Variants in ZNF608 observed in about 807,000 individuals in gnomAD.
ZNF608 encodes renal carcinoma antigen NY-REN-36.
Under a neutral mutation model 109.0 loss-of-function variants are expected in ZNF608, and 12 were observed. That is an observed-to-expected ratio of 0.11 (90% CI 0.07 to 0.18). The LOEUF is 0.18. Among genes scored for constraint, ZNF608 ranks in the 10% least tolerant of loss-of-function variants. The pLI, the probability that ZNF608 is intolerant of heterozygous loss-of-function variation, is 1.00. For missense variants in ZNF608, 1,707 were observed against 1,879.3 expected (o/e 0.91, Z 1.70); for synonymous variants, 732 against 717.4 (o/e 1.02, Z -0.33).
At chr5:124,649,890 T>G (rs1196515271) in intron 3 of ZNF608, among the ~76,000 whole-genome samples, 193 bp from the exon 4 acceptor site, 1 of 152,260 alleles carries the variant, frequency 6.6e-6, no homozygotes, top group African/African-American at 2.4e-5. Context: ...ATAATGTGTG[T>G]TGTGCATTCG....
At chr5:124,730,257 T>C (rs910066611) in intron 2 of ZNF608, among the ~76,000 whole-genome samples, 2 of 152,218 alleles carry the variant, frequency 1.3e-5, no homozygotes, top group African/African-American at 4.8e-5. Flanking sequence ...TTTCTAGATT[T>C]TTCAAGTGTA....
At chr5:124,702,183 T>C (rs1313444086) in intron 2 of ZNF608, among the ~76,000 whole-genome samples, 1 of 152,234 alleles carries the variant, frequency 6.6e-6, no homozygotes, top group East Asian at 1.9e-4. Flanking sequence ...TACATTCATT[T>C]GGCCCATTGT....
chr5:124,641,540 A>G (rs1391960980), intron 7 of ZNF608, 135 bp from the exon 8 acceptor site: 1 of 1,025,198 alleles, frequency 9.8e-7, no homozygotes, highest in Non-Finnish European at 1.3e-6. Context: ...TTCTTTAGTA[A>G]CTAAAGAGAA....
chr5:124,711,575 C>T (rs978168911), intron 2 of ZNF608, among the ~76,000 whole-genome samples: 1 of 152,212 alleles, frequency 6.6e-6, no homozygotes, highest in Admixed American at 6.5e-5. Context: ...GTATTAACCC[C>T]AGGCCCTCCC....
intron 3 of ZNF608, among the ~76,000 whole-genome samples, chr5:124,670,061 C>T (rs907810776): frequency 1.3e-5 from 2 of 152,126 alleles, no homozygotes; most frequent in Admixed American, 1.3e-4. Context: ...TTTTTATCTG[C>T]CTGAGTCCTA....
intron 2 of ZNF608, chr5:124,708,682 A>G: frequency 2.2e-6 from 1 of 456,138 alleles, no homozygotes. Flanking sequence ...CAGACTGGGA[A>G]TTATATTGCC....
In ZNF608 at chr5:124,719,400, C is replaced by T. The variant is rs146709193; in HGVS notation, c.907-18131G>A. Among the ~76,000 whole-genome samples, 47 of 152,286 alleles carry T rather than the reference C, an allele frequency of 3.1e-4. No homozygotes were observed. The South Asian group carries it at 8.1e-3, about 26-fold the overall frequency. ...TAATGTATGAACATAAGCCACACTGCGAAATGTGTGGCCTGGGTTTCCCTG... is the reference window on the plus strand; with the variant it reads ...TAATGTATGAACATAAGCCACACTGTGAAATGTGTGGCCTGGGTTTCCCTG... On this transcript the variant is annotated intron_variant, in intron 2 of 9. Transcript: ENST00000513986.
At chr5:124,740,049 T>TC (rs1215483916) in intron 2 of ZNF608, among the ~76,000 whole-genome samples, 1 of 152,126 alleles carries the variant, frequency 6.6e-6, no homozygotes, top group Admixed American at 6.5e-5. Context: ...TATCAATCCC[T>TC]CCCCCCACCG....
chr5:124,644,205 C>T (rs534631406), intron 6 of ZNF608, 39 bp downstream of exon 6: 4 of 1,511,362 alleles, frequency 2.6e-6, no homozygotes, highest in South Asian at 2.7e-5. Flanking sequence ...TTGAACATCG[C>T]CTCTTTCCTC....
At chr5:124,663,844 C>A (rs72781223) in intron 3 of ZNF608, among the ~76,000 whole-genome samples, 3 of 152,284 alleles carry the variant, frequency 2.0e-5, no homozygotes, top group Non-Finnish European at 2.9e-5. Flanking sequence ...TGCTTTCTGT[C>A]TTGATAAAGT....
At chr5:124,662,516 T>C (rs1363299995) in intron 3 of ZNF608, among the ~76,000 whole-genome samples, 1 of 152,220 alleles carries the variant, frequency 6.6e-6, no homozygotes, top group Admixed American at 6.5e-5. Flanking sequence ...TAGGCCCAAG[T>C]CAACCTCCAA....
intron 8 of ZNF608, among the ~76,000 whole-genome samples, chr5:124,640,456 C>G (rs1750186666): frequency 6.6e-6 from 1 of 152,202 alleles, no homozygotes; most frequent in Non-Finnish European, 1.5e-5. Flanking sequence ...GAGCGCACAG[C>G]AAGACAGCAG....
intron 3 of ZNF608, among the ~76,000 whole-genome samples, chr5:124,659,252 C>T (rs557294259): frequency 6.6e-6 from 1 of 151,930 alleles, no homozygotes; most frequent in Non-Finnish European, 1.5e-5. Context: ...GCAAGCCAGA[C>T]AAAAATAAAT....
intron 4 of ZNF608, 46 bp from the exon 5 acceptor site, chr5:124,649,179 G>C (rs1348189894): frequency 1.0e-5 from 15 of 1,481,108 alleles, no homozygotes; most frequent in Non-Finnish European, 1.3e-5. Flanking sequence ...CCCCAAAAGA[G>C]CCAGGTGAAA....
At chr5:124,692,364 C>T (rs941955022) in intron 3 of ZNF608, among the ~76,000 whole-genome samples, 2 of 152,162 alleles carry the variant, frequency 1.3e-5, no homozygotes, top group East Asian at 1.9e-4. Flanking sequence ...ATATGTATGG[C>T]GCACTGACTC....
At chr5:124,716,912 G>A (rs541019253) in intron 2 of ZNF608, among the ~76,000 whole-genome samples, 9 of 151,696 alleles carry the variant, frequency 5.9e-5, no homozygotes, top group Admixed American at 3.3e-4. Flanking sequence ...GAGAAACCCC[G>A]TCTCTACAAA....
intron 3 of ZNF608, among the ~76,000 whole-genome samples, chr5:124,656,239 C>G (rs1751001320): frequency 6.6e-6 from 1 of 152,012 alleles, no homozygotes; most frequent in Non-Finnish European, 1.5e-5. Flanking sequence ...CACTTTATGC[C>G]CTAGTGTGCC....
intron 2 of ZNF608, among the ~76,000 whole-genome samples, chr5:124,730,368 G>C (rs1376433771): frequency 1.3e-5 from 2 of 152,166 alleles, no homozygotes; most frequent in East Asian, 3.9e-4. Context: ...ATCCAACAAG[G>C]GCAAGTGATT....
At chr5:124,732,227 A>G (rs894207028) in intron 2 of ZNF608, among the ~76,000 whole-genome samples, 6 of 152,214 alleles carry the variant, frequency 3.9e-5, no homozygotes, top group African/African-American at 1.4e-4. Context: ...TCAAATATGC[A>G]TCAATAAACA....
Sources: gnomAD v4.1 joint callset for allele counts (sites outside exome capture counted in the v4.1 genomes callset) on GRCh38, gnomAD v4.1.1 for gene constraint, MANE v1.5 for transcripts, NCBI Gene and HGNC (gene_info 2026-07-23, HGNC 2026-07-21) for gene names.